The following RAB44 variants were observed in gnomAD, a reference collection of about 807,000 sequenced individuals.
RAB44 encodes RAB44, member RAS oncogene family.
In RAB44, 67 loss-of-function variants were observed where a neutral mutation model predicts 93.3. The observed-to-expected ratio is 0.72, with a 90% CI of 0.59 to 0.88. The LOEUF (loss-of-function observed/expected upper bound fraction) is 0.88. Ranked by LOEUF, RAB44 falls within the 40% of genes least tolerant of loss-of-function variation. The probability of loss-of-function intolerance (pLI) is 0.00; values close to 1 mark genes in which losing one functional copy is unlikely to be tolerated. For synonymous variants in RAB44, 427 were observed against 520.3 expected, an observed-to-expected ratio of 0.82 and a Z score of 2.44; for missense variants, 1,064 against 1,261.7, an observed-to-expected ratio of 0.84 and a Z score of 2.37.
intron 1 of RAB44, among the ~76,000 whole-genome samples, chr6:36,703,379 T>G (rs1406733089): frequency 6.6e-6 from 1 of 152,216 alleles, no homozygotes; most frequent in Admixed American, 6.5e-5. Context: ...AAGGGGGCAC[T>G]GAGCCCAGCT....
chr6:36,721,087 T>C, intron 8 of RAB44, 64 bp from the exon 9 acceptor site: 15 of 1,226,856 alleles, frequency 1.2e-5, no homozygotes, highest in Non-Finnish European at 1.5e-5. Context: ...GGGCTGCAGG[T>C]GGGATGGGTG....
At chr6:36,726,012 C>A (rs1343673120) in intron 10 of RAB44, 69 bp downstream of exon 10, 39 of 1,257,676 alleles carry the variant, frequency 3.1e-5, no homozygotes. Flanking sequence ...GGACAGGGAG[C>A]AGCCCTAATA....
chr6:36,721,801 C>A lies in RAB44; in HGVS notation c.1667C>A (p.Pro556His). ...GAGPQEPTQT[P>H]PTMTERETQP... The stretch of plus-strand genomic sequence containing the variant: ...GGACCCCAGGAACCCACACAAACCC[C>A]TCCCACCATGACTGAGCGGGAAACC... The change falls in exon 9 of 14, where the codon CCT (proline) becomes CAT (histidine). Residue 556 changes from proline to histidine, a missense_variant. Transcript: ENST00000612677. The A allele has an allele frequency of 8.1e-7, 1 of 1,234,662 alleles. No individual in the cohort carries two copies. Among genetic ancestry groups the A allele is most frequent in the Non-Finnish European group, 1.0e-6 (1 of 988,468 alleles). 76.5% of individuals were successfully genotyped at this position (1,234,662 alleles called of 1,614,324 possible).
At position 36,710,318 on chromosome 6, in the gene RAB44, G is replaced by A. The variant is rs78132678; in HGVS notation, c.208-3510G>A. The stretch of plus-strand genomic sequence containing the variant: ...ATACAGTATTTGTCTTTTAGTTACT[G>A]GTGTATTTCACATAGCAGAATGTCC... On this transcript the variant is annotated intron_variant, in intron 2 of 13. Transcript: ENST00000612677. 3.0e-3 allele frequency among the ~76,000 whole-genome samples: 464 copies of A among 152,230 alleles called. 1 individual carries two copies. The highest frequency in any genetic ancestry group is 0.011 in the African/African-American group (447 of 41,526).
intron 11 of RAB44, 131 bp downstream of exon 11, chr6:36,727,822 G>A (rs549695183): frequency 7.4e-6 from 5 of 677,854 alleles, no homozygotes; most frequent in Admixed American, 4.4e-5. Flanking sequence ...ACCCACTGAG[G>A]GCATGTGGTT....
chr6:36,720,642 C>T (rs1763050836), intron 8 of RAB44, 92 bp downstream of exon 8: 1 of 941,588 alleles, frequency 1.1e-6, no homozygotes, highest in Non-Finnish European at 1.4e-6. Context: ...CTAGCTAGCA[C>T]ACAGTGCACA....
intron 4 of RAB44, 122 bp downstream of exon 4, chr6:36,715,775 C>A: frequency 3.0e-6 from 3 of 995,996 alleles, no homozygotes; most frequent in African/African-American, 1.6e-5. Flanking sequence ...CAAATTCTGG[C>A]TTGGCCATTG....
At chr6:36,719,897 G>A (rs1763027338) in intron 7 of RAB44, among the ~76,000 whole-genome samples, 1 of 152,218 alleles carries the variant, frequency 6.6e-6, no homozygotes, top group Admixed American at 6.5e-5. Context: ...GGGGAGGTGA[G>A]GAGGCTGCAG....
chr6:36,714,045 T>C (rs1173619713), intron 3 of RAB44, 106 bp downstream of exon 3: 1 of 718,028 alleles, frequency 1.4e-6, no homozygotes, highest in Non-Finnish European at 2.4e-6. Context: ...TCCCAGGGAC[T>C]TTCACCCCCC....
chr6:36,730,671 A>G lies in RAB44; in HGVS notation c.2899-2A>G. 1 of 1,233,978 alleles carries G rather than the reference A, an allele frequency of 8.1e-7. No individual in the cohort carries two copies. The allele number at this position is 1,233,978 out of a possible 1,614,324, so 76.4% of individuals were successfully genotyped here. On this transcript the variant is annotated splice_acceptor_variant, in intron 12 of 13. Coordinates refer to ENST00000612677, the MANE Select transcript of RAB44 (RefSeq NM_001257357.2). LOFTEE classifies it high-confidence loss of function. Reference sequence around the variant, plus strand: ...ATATGTCCCTCCCTGTCTGGCCTGCAGGAACTGGGGGTCTATTTTGGGGAG... The same window carrying G: ...ATATGTCCCTCCCTGTCTGGCCTGCGGGAACTGGGGGTCTATTTTGGGGAG...
At chr6:36,728,409 T>A (rs1763286361) in intron 11 of RAB44, among the ~76,000 whole-genome samples, 1 of 152,178 alleles carries the variant, frequency 6.6e-6, no homozygotes, top group African/African-American at 2.4e-5. Flanking sequence ...TGGGAAAATG[T>A]ATAATCAAGT....
intron 3 of RAB44, among the ~76,000 whole-genome samples, chr6:36,714,342 T>A (rs1172836308): frequency 6.6e-6 from 1 of 152,114 alleles, no homozygotes; most frequent in African/African-American, 2.4e-5. Flanking sequence ...AGCACCTGCC[T>A]CTCTAGATGG....
In RAB44 at chr6:36,731,779, C is replaced by T. The variant is rs1444214819; in HGVS notation, c.2976-224C>T. 1.3e-5 allele frequency among the ~76,000 whole-genome samples: 2 copies of T among 152,198 alleles called. No individual in the cohort carries two copies. Among genetic ancestry groups the T allele is most frequent in the Non-Finnish European group, 2.9e-5 (2 of 68,040 alleles). On this transcript the variant is annotated intron_variant, in intron 13 of 13. Coordinates refer to ENST00000612677, the MANE Select transcript of RAB44 (RefSeq NM_001257357.2). The surrounding 1 kb of genome is among the most constrained non-coding windows in gnomAD (Gnocchi z 4.0). The stretch of plus-strand genomic sequence containing the variant: ...AGGGAGGGAATGGTGGCTTCTTTGT[C>T]ATAGTCAGAGTCCTGCACAGTGCCT...
In RAB44 at chr6:36,721,562, C is replaced by T. The variant is rs1216637585; in HGVS notation, c.1428C>T (p.Pro476=). ...PDPNQEPGST[P]EGRLLWGLSG... ...CCAACCAGGAGCCAGGGTCCACACCCGAGGGCCGCCTCCTCTGGGGTCTCT... is the reference window on the plus strand; with the variant it reads ...CCAACCAGGAGCCAGGGTCCACACCTGAGGGCCGCCTCCTCTGGGGTCTCT... The change falls in exon 9 of 14, where the codon CCC becomes CCT. Residue 476 remains proline, a synonymous_variant. Transcript: ENST00000612677. 2.2e-5 allele frequency: 27 copies of T among 1,234,460 alleles called. No homozygotes were observed. The highest frequency in any genetic ancestry group is 2.7e-5 in the Non-Finnish European group (27 of 988,382). 76.5% of individuals were successfully genotyped at this position (1,234,460 alleles called of 1,614,324 possible).
In RAB44 at chr6:36,697,895, T is replaced by G. The variant is rs1222499791; in HGVS notation, c.-33T>G. ...GGTCCCAGAGCCCAGGGCTGTGTGT[T>G]CCACTGGGAGCCTTTGAGAGGTAGG... On this transcript the variant is annotated 5_prime_UTR_variant, in exon 1 of 14. Coordinates refer to ENST00000612677, the MANE Select transcript of RAB44 (RefSeq NM_001257357.2). The G allele has an allele frequency of 6.6e-6, 1 of 152,354 alleles. No homozygotes were observed. The highest frequency in any genetic ancestry group is 1.5e-5 in the Non-Finnish European group (1 of 68,144). The allele number at this position is 152,354 out of a possible 1,614,324, so 9.4% of individuals were successfully genotyped here.
At position 36,718,012 on chromosome 6, in the gene RAB44, C is replaced by T. The variant is rs141562084; in HGVS notation, c.642-16C>T. 9.9e-3 allele frequency: 12,249 copies of T among 1,231,844 alleles called. 86 individuals carry two copies. The highest frequency in any genetic ancestry group is 0.011 in the Non-Finnish European group (10,795 of 987,686). The allele number at this position is 1,231,844 out of a possible 1,614,324, so 76.3% of individuals were successfully genotyped here. On this transcript the variant is annotated splice_polypyrimidine_tract_variant and intron_variant, in intron 5 of 13. Transcript: ENST00000612677. ...GTGCTGATGGGCTGCCTGGCCCCAA[C>T]TCCTGCTCCTCCCAGGCGTGACTCT...
At position 36,731,192 on chromosome 6, in the gene RAB44, C is replaced by G. The variant is rs1018304787; in HGVS notation, c.2975+443C>G. Among the ~76,000 whole-genome samples the G allele has an allele frequency of 7.8e-6, 1 of 127,678 alleles. No homozygotes were observed. Among genetic ancestry groups the G allele is most frequent in the African/African-American group, 2.8e-5 (1 of 35,308 alleles). The allele number at this position is 127,678 out of a possible 152,430, so 83.8% of individuals were successfully genotyped here. A position where few individuals can be genotyped will look rare whatever the true frequency, so the allele number is the denominator to read the frequency against. On this transcript the variant is annotated intron_variant, in intron 13 of 13. Transcript: ENST00000612677. This position sits in a 1 kb window ranked among gnomAD's most constrained non-coding sequence, Gnocchi z 4.0. ...ACACACACTCACACTCTTACACACA[C>G]TCACACTCACACACACACACTTGCC...
intron 7 of RAB44, among the ~76,000 whole-genome samples, chr6:36,719,048 T>C (rs1414404097): frequency 2.0e-5 from 3 of 152,086 alleles, no homozygotes; most frequent in Non-Finnish European, 2.9e-5. Flanking sequence ...GCCTCCCGAG[T>C]AGCTGGGACT....
intron 1 of RAB44, among the ~76,000 whole-genome samples, chr6:36,699,361 C>G (rs1762458833): frequency 6.6e-6 from 1 of 152,182 alleles, no homozygotes; most frequent in Non-Finnish European, 1.5e-5. Context: ...TTCCAGGATT[C>G]TAACATCCTA....
Sources: gnomAD v4.1 joint callset for allele counts (sites outside exome capture counted in the v4.1 genomes callset) on GRCh38, gnomAD v4.1.1 for gene constraint, Gnocchi (gnomAD v3.1) non-coding constraint, MANE v1.5 for transcripts, NCBI Gene and HGNC (gene_info 2026-07-23, HGNC 2026-07-21) for gene names.